The following LYPD6B variants were observed in gnomAD, a reference collection of about 807,000 sequenced individuals.
LYPD6B encodes the protein ly6/PLAUR domain-containing protein 6B.
In LYPD6B, 17 loss-of-function variants were observed where a neutral mutation model predicts 22.8. The ratio of observed to expected loss-of-function variants is 0.75; its 90% CI spans 0.51 to 1.12. LYPD6B has a LOEUF of 1.12. Ranked by LOEUF, LYPD6B falls within the 50% of genes most tolerant of loss-of-function variation. The pLI is 0.00. For synonymous variants in LYPD6B, 106 were observed against 91.6 expected, an observed-to-expected ratio of 1.16 and a Z score of -0.90; for missense variants, 221 against 258.3, an observed-to-expected ratio of 0.86 and a Z score of 0.99.
chr2:149,052,606 C>T (rs1356897064), intron 1 of LYPD6B, among the ~76,000 whole-genome samples: 1 of 152,108 alleles, frequency 6.6e-6, no homozygotes, highest in South Asian at 2.1e-4. Flanking sequence ...CTCCCTATTC[C>T]CCACCAACCA....
intron 3 of LYPD6B, among the ~76,000 whole-genome samples, chr2:149,184,451 A>G (rs1001924233): frequency 1.3e-5 from 2 of 152,200 alleles, no homozygotes; most frequent in African/African-American, 4.8e-5. Flanking sequence ...ACCATCTCTC[A>G]GTTTTCTTTC....
At position 149,063,200 on chromosome 2, in the gene LYPD6B, G is replaced by C. The variant is rs544142377; in HGVS notation, c.-67+24399G>C. 1.8e-4 allele frequency among the ~76,000 whole-genome samples: 28 copies of C among 152,244 alleles called. 1 individual carries two copies. The South Asian group carries it at 5.6e-3, about 31-fold the overall frequency. ...AAATCAGTAGAGTGAAAACGATGGT[G>C]CCAAATCTTGACCAAATTAAACAAT... On this transcript the variant is annotated intron_variant, in intron 1 of 6. Coordinates refer to ENST00000409642, the MANE Select transcript of LYPD6B (RefSeq NM_177964.5).
chr2:149,204,030 C>T lies in LYPD6B; in HGVS notation c.78-1223C>T, dbSNP rs116300028. Among the ~76,000 whole-genome samples the T allele has an allele frequency of 3.2e-3, 480 of 151,852 alleles. 2 individuals are homozygous for T. The highest frequency in any genetic ancestry group is 0.011 in the African/African-American group (457 of 41,464). ...TTTCCTTTGAAATATTCCCTAAACC[C>T]ATTGAAACCAGTTGATTCAGCAAGA... is the stretch of plus-strand genomic sequence containing the variant. On this transcript the variant is annotated intron_variant, in intron 3 of 6. Transcript: ENST00000409642.
chr2:149,089,817 AT>A (rs533940062), intron 1 of LYPD6B, among the ~76,000 whole-genome samples: 43 of 152,350 alleles, frequency 2.8e-4, no homozygotes, highest in Admixed American at 2.7e-3. Context: ...CAATGGTTCA[AT>A]AAAAAAGCAT....
intron 1 of LYPD6B, among the ~76,000 whole-genome samples, chr2:149,119,339 G>C (rs1338221734): frequency 2.0e-5 from 3 of 152,166 alleles, no homozygotes; most frequent in African/African-American, 4.8e-5. Context: ...TAAAATTAAA[G>C]CGTAAGAAGC....
chr2:149,085,373 C>T (rs138104175), intron 1 of LYPD6B, among the ~76,000 whole-genome samples: 435 of 152,352 alleles, frequency 2.9e-3, no homozygotes, highest in African/African-American at 9.9e-3. Flanking sequence ...GCGTTGGTGG[C>T]AATGCCCTTG....
At chr2:149,117,200 C>T (rs1687048881) in intron 1 of LYPD6B, among the ~76,000 whole-genome samples, 1 of 151,326 alleles carries the variant, frequency 6.6e-6, no homozygotes. Context: ...TTTTAATATA[C>T]TACATATTTA....
chr2:149,115,923 C>A (rs1686983230), intron 1 of LYPD6B, among the ~76,000 whole-genome samples: 1 of 152,314 alleles, frequency 6.6e-6, no homozygotes, highest in Non-Finnish European at 1.5e-5. Flanking sequence ...CGAGTCATTT[C>A]TTTGTTCAGC....
intron 2 of LYPD6B, among the ~76,000 whole-genome samples, chr2:149,139,091 G>A (rs1318647048): frequency 2.0e-5 from 3 of 152,180 alleles, no homozygotes; most frequent in African/African-American, 7.2e-5. Context: ...GTAGCACCGT[G>A]AAGTGCTGGC....
intron 1 of LYPD6B, among the ~76,000 whole-genome samples, chr2:149,088,019 C>T (rs1685478125): frequency 6.6e-6 from 1 of 152,128 alleles, no homozygotes; most frequent in African/African-American, 2.4e-5. Flanking sequence ...TTTCAACTCC[C>T]ATCCACATTC....
intron 1 of LYPD6B, among the ~76,000 whole-genome samples, chr2:149,097,642 T>G (rs1233559158): frequency 6.6e-6 from 1 of 152,190 alleles, no homozygotes; most frequent in Non-Finnish European, 1.5e-5. Context: ...CTAGGATCCT[T>G]GTACTCTCTT....
At chr2:149,056,284 TC>T (rs1171922791) in intron 1 of LYPD6B, among the ~76,000 whole-genome samples, 1 of 152,142 alleles carries the variant, frequency 6.6e-6, no homozygotes, top group Non-Finnish European at 1.5e-5. Flanking sequence ...TGTGCTGGGA[TC>T]CCAAAGATGA....
At chr2:149,193,639 T>G (rs895160719) in intron 3 of LYPD6B, among the ~76,000 whole-genome samples, 2 of 152,136 alleles carry the variant, frequency 1.3e-5, no homozygotes, top group African/African-American at 4.8e-5. Context: ...TGAGAAGGTC[T>G]GGGACTGTGG....
intron 1 of LYPD6B, among the ~76,000 whole-genome samples, chr2:149,068,044 T>C (rs776650111): frequency 2.3e-4 from 35 of 152,154 alleles, no homozygotes; most frequent in Non-Finnish European, 3.4e-4. Context: ...TGGAGGTTTT[T>C]GTTTTTCGGG....
chr2:149,159,626 A>G (rs922717158), intron 2 of LYPD6B, among the ~76,000 whole-genome samples: 15 of 136,532 alleles, frequency 1.1e-4, no homozygotes, highest in Admixed American at 1.4e-4. Context: ...GTGTGTGTGT[A>G]TAGAAAGAGA....
intron 3 of LYPD6B, among the ~76,000 whole-genome samples, chr2:149,180,280 G>C (rs1311622365): frequency 6.6e-6 from 1 of 152,140 alleles, no homozygotes; most frequent in Non-Finnish European, 1.5e-5. Context: ...GATTCAGCGG[G>C]CAGTGAAGGA....
At chr2:149,191,008 T>TA (rs992912444) in intron 3 of LYPD6B, among the ~76,000 whole-genome samples, 21 of 151,856 alleles carry the variant, frequency 1.4e-4, no homozygotes, top group Middle Eastern at 3.4e-3. Context: ...CTTCTGGCAC[T>TA]AAAAAAAATA....
chr2:149,147,978 A>T (rs898894961), intron 2 of LYPD6B, among the ~76,000 whole-genome samples: 4 of 148,080 alleles, frequency 2.7e-5, no homozygotes, highest in African/African-American at 1.0e-4. Context: ...GTTCTGAGCT[A>T]TGGGTAGTTT....
intron 1 of LYPD6B, among the ~76,000 whole-genome samples, chr2:149,045,775 C>A (rs572667884): frequency 8.6e-5 from 13 of 151,816 alleles, no homozygotes; most frequent in African/African-American, 3.1e-4. Context: ...GATTTCTGTT[C>A]TTTTAGATTT....
Sources: allele counts gnomAD v4.1 joint callset (sites outside exome capture counted in the v4.1 genomes callset), GRCh38; gene constraint gnomAD v4.1.1; transcripts MANE v1.5; gene names NCBI Gene and HGNC (gene_info 2026-07-23, HGNC 2026-07-21).